HS2ST1: variants seen among roughly 807,000 people sequenced by gnomAD.
The protein encoded by HS2ST1 is 2-O-sulfotransferase.
In HS2ST1, 18 loss-of-function variants were observed where a neutral mutation model predicts 42.9. The ratio of observed to expected loss-of-function variants is 0.42; its 90% CI spans 0.29 to 0.62. The LOEUF (loss-of-function observed/expected upper bound fraction) is 0.62, where lower values mean the gene tolerates loss of function less well. Among genes scored for constraint, HS2ST1 ranks in the 20% least tolerant of loss-of-function variants. The pLI, the probability that HS2ST1 is intolerant of heterozygous loss-of-function variation, is 0.21. For missense variants in HS2ST1, 334 were observed against 433.8 expected (o/e 0.77, Z 2.04); for synonymous variants, 146 against 152.9 (o/e 0.95, Z 0.33).
chr1:87,069,098 AG>A (rs1651334597), intron 1 of HS2ST1, among the ~76,000 whole-genome samples: 2 of 152,184 alleles, frequency 1.3e-5, no homozygotes, highest in African/African-American at 4.8e-5. Flanking sequence ...GAGGAGGAAG[AG>A]GTGGGCCTAG....
chr1:87,013,598 C>A (rs927111187), intron 1 of HS2ST1, among the ~76,000 whole-genome samples: 18 of 152,230 alleles, frequency 1.2e-4, no homozygotes, highest in Non-Finnish European at 2.9e-5. Flanking sequence ...CATTTGGCTC[C>A]TTGTTACTTA....
chr1:86,985,081 C>T (rs887985079), intron 1 of HS2ST1, among the ~76,000 whole-genome samples: 7 of 150,896 alleles, frequency 4.6e-5, no homozygotes, highest in Non-Finnish European at 1.0e-4. Context: ...TTTGGCCAGG[C>T]GCGGTGGCTC....
intron 1 of HS2ST1, among the ~76,000 whole-genome samples, chr1:87,039,665 A>G (rs1650471974): frequency 6.6e-6 from 1 of 152,190 alleles, no homozygotes; most frequent in African/African-American, 2.4e-5. Context: ...TGAATATCAG[A>G]ACTGGGTGAC....
At chr1:87,071,178 G>GT (rs1379997297) in intron 1 of HS2ST1, among the ~76,000 whole-genome samples, 2 of 152,140 alleles carry the variant, frequency 1.3e-5, no homozygotes, top group Non-Finnish European at 1.5e-5. Context: ...TTTAATTCTG[G>GT]TTTTTTGAAT....
intron 1 of HS2ST1, among the ~76,000 whole-genome samples, chr1:86,978,943 C>G (rs749530165): frequency 6.8e-6 from 1 of 146,352 alleles, no homozygotes; most frequent in Non-Finnish European, 1.5e-5. Flanking sequence ...TGGCTCACTG[C>G]AGCCTCTACC....
chr1:87,057,350 T>A (rs1190749763), intron 1 of HS2ST1, among the ~76,000 whole-genome samples: 1 of 152,168 alleles, frequency 6.6e-6, no homozygotes, highest in Non-Finnish European at 1.5e-5. Flanking sequence ...TAGGATATGG[T>A]TCATATTCCT....
At chr1:86,965,981 C>G (rs1648034919) in intron 1 of HS2ST1, among the ~76,000 whole-genome samples, 2 of 152,210 alleles carry the variant, frequency 1.3e-5, no homozygotes, top group Non-Finnish European at 2.9e-5. Flanking sequence ...TTCATTTCCT[C>G]TGTTTCTGTT....
chr1:87,089,399 G>A (rs899949051), intron 3 of HS2ST1, among the ~76,000 whole-genome samples: 1 of 151,968 alleles, frequency 6.6e-6, no homozygotes, highest in Non-Finnish European at 1.5e-5. Context: ...GTTCTAACAG[G>A]TCAACAGTAG....
intron 1 of HS2ST1, among the ~76,000 whole-genome samples, chr1:87,010,250 CACCA>C (rs1308003651): frequency 1.3e-5 from 2 of 152,076 alleles, no homozygotes; most frequent in African/African-American, 2.4e-5. Context: ...CTCCCAACTG[CACCA>C]ACCACTGCTC....
intron 1 of HS2ST1, among the ~76,000 whole-genome samples, chr1:86,951,184 G>A (rs1647503209): frequency 6.6e-6 from 1 of 152,174 alleles, no homozygotes. Context: ...TTACATATCA[G>A]TTCTCTAGGA....
At chr1:86,941,525 A>G (rs1660762798) in intron 1 of HS2ST1, among the ~76,000 whole-genome samples, 1 of 152,154 alleles carries the variant, frequency 6.6e-6, no homozygotes, top group African/African-American at 2.4e-5. Context: ...TAATCCCAGC[A>G]CTTTGGGAGG....
intron 1 of HS2ST1, among the ~76,000 whole-genome samples, chr1:87,024,545 T>C (rs1382076369): frequency 6.6e-6 from 1 of 150,962 alleles, no homozygotes; most frequent in East Asian, 1.9e-4. Flanking sequence ...ATCAGGCAGA[T>C]TAGGTTTGAG....
At chr1:87,103,657 T>C (rs550346138) in intron 6 of HS2ST1, 68 bp downstream of exon 6, 2 of 1,314,712 alleles carry the variant, frequency 1.5e-6, no homozygotes, top group East Asian at 5.3e-5. Context: ...AACTTGTAAA[T>C]ATGTGATTTG....
At chr1:86,919,989 A>G (rs2102152002) in intron 1 of HS2ST1, among the ~76,000 whole-genome samples, 1 of 152,320 alleles carries the variant, frequency 6.6e-6, no homozygotes, top group Non-Finnish European at 1.5e-5. Flanking sequence ...GTGGCTGGTA[A>G]AAAGTAGTTC....
chr1:86,943,305 T>C (rs1647223715), intron 1 of HS2ST1, among the ~76,000 whole-genome samples: 1 of 152,218 alleles, frequency 6.6e-6, no homozygotes, highest in South Asian at 2.1e-4. Context: ...AACTTTGGAT[T>C]CCAATTGAAA....
At chr1:86,991,144 G>A (rs12065084) in intron 1 of HS2ST1, among the ~76,000 whole-genome samples, 1,650 of 151,802 alleles carry the variant, frequency 0.011, 31 homozygotes, top group African/African-American at 0.039. Context: ...GGCCCAGTGG[G>A]TATTTCTCTT....
chr1:87,003,403 A>G (rs538753964), intron 1 of HS2ST1, among the ~76,000 whole-genome samples: 1 of 152,244 alleles, frequency 6.6e-6, no homozygotes, highest in Non-Finnish European at 1.5e-5. Flanking sequence ...TACAGTATTC[A>G]TGAACAAAAA....
At chr1:86,959,795 G>A (rs190176386) in intron 1 of HS2ST1, among the ~76,000 whole-genome samples, 78 of 152,122 alleles carry the variant, frequency 5.1e-4, no homozygotes, top group Non-Finnish European at 8.1e-4. Context: ...ATAAAAAATC[G>A]AAGATCTAAA....
rs375516450 is a variant in HS2ST1, at chr1:86,954,089, C to T, written c.124+38929C>T. On this transcript the variant is annotated intron_variant, in intron 1 of 6. Transcript: ENST00000370550. ...AAAAAAGGCCGGGCTTGGTGGCTCA[C>T]GCCTCTAATCCCAGCACTTTGGGAG... 4.1e-4 allele frequency among the ~76,000 whole-genome samples: 61 copies of T among 147,880 alleles called. No homozygotes were observed. The East Asian group carries it at 8.9e-3, about 22-fold the overall frequency.
Sources: gnomAD v4.1 joint callset for allele counts (sites outside exome capture counted in the v4.1 genomes callset) on GRCh38, gnomAD v4.1.1 for gene constraint, MANE v1.5 for transcripts, NCBI Gene and HGNC (gene_info 2026-07-23, HGNC 2026-07-21) for gene names.